Variants in MLXIP observed in about 807,000 individuals in gnomAD.
MLXIP encodes the protein MLX interacting protein.
Under a neutral mutation model 87.2 loss-of-function variants are expected in MLXIP, and 30 were observed. The ratio of observed to expected loss-of-function variants is 0.34; its 90% CI spans 0.26 to 0.47. The LOEUF (loss-of-function observed/expected upper bound fraction) is 0.47, where lower values mean the gene tolerates loss of function less well. Among genes scored for constraint, MLXIP ranks in the 20% least tolerant of loss-of-function variants. MLXIP has a pLI of 1.00. For missense variants in MLXIP, 1,002 were observed against 1,240.1 expected (o/e 0.81, Z 2.88); for synonymous variants, 530 against 514.0 (o/e 1.03, Z -0.42).
intron 1 of MLXIP, 144 bp downstream of exon 1, chr12:122,079,410 G>A (rs1952059658): frequency 1.3e-6 from 1 of 755,668 alleles, no homozygotes; most frequent in Admixed American, 2.8e-5. Flanking sequence ...TATGGATCTG[G>A]GGTTCCCCGC....
At chr12:122,087,098 A>G (rs1264313215) in intron 1 of MLXIP, among the ~76,000 whole-genome samples, 1 of 152,116 alleles carries the variant, frequency 6.6e-6, no homozygotes, top group African/African-American at 2.4e-5. Flanking sequence ...AATTAGCCCC[A>G]TGAGGGCTAA....
chr12:122,079,540 G>C (rs796995818), intron 1 of MLXIP, among the ~76,000 whole-genome samples: 1 of 152,194 alleles, frequency 6.6e-6, no homozygotes, highest in Non-Finnish European at 1.5e-5. Flanking sequence ...GATGTTGGAC[G>C]AGGAAGAGGT....
chr12:122,101,352 T>C (rs1447245708), intron 1 of MLXIP, among the ~76,000 whole-genome samples: 1 of 151,550 alleles, frequency 6.6e-6, no homozygotes, highest in Non-Finnish European at 1.5e-5. Flanking sequence ...TTTTTTTTTT[T>C]CCTGTGCCCA....
intron 1 of MLXIP, among the ~76,000 whole-genome samples, chr12:122,093,014 GTCTGTGTATATGTA>G (rs1952270559): frequency 1.4e-5 from 2 of 142,840 alleles, no homozygotes; most frequent in African/African-American, 2.6e-5. Context: ...GTGTGGTGTG[GTCTGTGTATATGTA>G]TGTGTGGTGT....
intron 1 of MLXIP, among the ~76,000 whole-genome samples, chr12:122,094,381 T>A (rs1233271040): frequency 7.2e-6 from 1 of 138,718 alleles, no homozygotes; most frequent in Non-Finnish European, 1.6e-5. Flanking sequence ...GTTTGCAGTG[T>A]CTGTGTGGTG....
At chr12:122,117,259 G>T (rs1425453498) in intron 1 of MLXIP, among the ~76,000 whole-genome samples, 2 of 152,234 alleles carry the variant, frequency 1.3e-5, no homozygotes, top group Non-Finnish European at 2.9e-5. Context: ...GATGGAGCAG[G>T]ACCTGAAACC....
chr12:122,141,195 G>A (rs956122212), intron 16 of MLXIP, 112 bp downstream of exon 16: 65 of 1,419,930 alleles, frequency 4.6e-5, no homozygotes, highest in East Asian at 2.5e-4. Context: ...AGGTGGGGCC[G>A]GGGCAGGGGC....
rs1441207952 is a variant in MLXIP at position 122,093,672 on chromosome 12, G to T, written c.413+14406G>T. ...GGTGTGTGTGTTGATATGTGTGTGT[G>T]GTGTATGTGTGCGGTGTTGGTGTGT... On this transcript the variant is annotated intron_variant, in intron 1 of 16. Transcript: ENST00000319080. Among the ~76,000 whole-genome samples the T allele has an allele frequency of 1.2e-3, 172 of 137,688 alleles. 1 individual carries two copies. Among genetic ancestry groups the T allele is most frequent in the African/African-American group, 4.3e-3 (160 of 36,814 alleles). 90.3% of individuals were successfully genotyped at this position (137,688 alleles called of 152,430 possible).
In MLXIP at chr12:122,135,172, G is replaced by T. The variant is rs1269838811; in HGVS notation, c.1733-52G>T. On this transcript the variant is annotated intron_variant, in intron 9 of 16. Coordinates refer to ENST00000319080, the MANE Select transcript of MLXIP (RefSeq NM_014938.6). This position sits in a 1 kb window ranked among gnomAD's most constrained non-coding sequence, Gnocchi z 5.3. ...CAGAGAGGCAGCCTCTGCAGGGTGG[G>T]CCAGGCCCTGTGGCCCAGGGCTGCA... The T allele has an allele frequency of 6.3e-7, 1 of 1,599,826 alleles. No homozygotes were observed. The highest frequency in any genetic ancestry group is 2.3e-5 in the East Asian group (1 of 44,098).
chr12:122,139,112 T>C, intron 15 of MLXIP, 174 bp downstream of exon 15: 1 of 619,858 alleles, frequency 1.6e-6, no homozygotes, highest in Non-Finnish European at 2.0e-6. Context: ...TGGCCTGCTG[T>C]GTGGGCTGGA....
chr12:122,134,070 GACC>G (rs756928556), intron 9 of MLXIP, 83 bp downstream of exon 9: 21 of 1,447,884 alleles, frequency 1.5e-5, no homozygotes, highest in Admixed American at 2.5e-5. Flanking sequence ...TCAAACTTGT[GACC>G]ACCACCACCA....
At chr12:122,129,492 C>G in intron 4 of MLXIP, 96 bp from the exon 5 acceptor site, 2 of 1,416,844 alleles carry the variant, frequency 1.4e-6, no homozygotes, top group Non-Finnish European at 2.0e-6. Context: ...GTGAGCAGGA[C>G]CCCTACCTGC....
chr12:122,082,496 A>G (rs1952106170), intron 1 of MLXIP, among the ~76,000 whole-genome samples: 1 of 152,204 alleles, frequency 6.6e-6, no homozygotes, highest in Non-Finnish European at 1.5e-5. Context: ...GAATGGGGCT[A>G]GTGCCTGGCA....
At chr12:122,091,696 A>G (rs999295571) in intron 1 of MLXIP, among the ~76,000 whole-genome samples, 2 of 152,172 alleles carry the variant, frequency 1.3e-5, no homozygotes, top group African/African-American at 4.8e-5. Context: ...ATGGTTATGG[A>G]GAAATCTCTG....
chr12:122,136,459 C>CAAAAAAAAAAAAAAAAAAA (rs1224302321), intron 11 of MLXIP: 10 of 28,162 alleles, frequency 3.6e-4, no homozygotes, highest in African/African-American at 8.4e-4. Flanking sequence ...TCAAAAAATG[C>CAAAAAAAAAAAAAAAAAAA]AAAAAAAAAA....
chr12:122,129,304 C>T (rs565588117), intron 4 of MLXIP, 78 bp downstream of exon 4: 86 of 1,306,932 alleles, frequency 6.6e-5, no homozygotes, highest in South Asian at 8.9e-5. Flanking sequence ...CTGGCCGAGG[C>T]GGTAGGCTCC....
intron 1 of MLXIP, among the ~76,000 whole-genome samples, chr12:122,082,021 G>A (rs1593052986): frequency 6.6e-6 from 1 of 152,238 alleles, no homozygotes; most frequent in African/African-American, 2.4e-5. Context: ...ACTAAGTGCA[G>A]GGGAAGTTGT....
intron 1 of MLXIP, among the ~76,000 whole-genome samples, chr12:122,116,355 A>G (rs1408991077): frequency 1.3e-5 from 2 of 152,148 alleles, no homozygotes; most frequent in Non-Finnish European, 2.9e-5. Context: ...TTTGTTACAT[A>G]TGTATACATG....
chr12:122,100,070 T>TC (rs1205271049), intron 1 of MLXIP, among the ~76,000 whole-genome samples: 1 of 152,126 alleles, frequency 6.6e-6, no homozygotes, highest in Non-Finnish European at 1.5e-5. Context: ...GTTTTTTTTT[T>TC]CTCAAAGATG....
Sources: allele counts gnomAD v4.1 joint callset (sites outside exome capture counted in the v4.1 genomes callset), GRCh38; gene constraint gnomAD v4.1.1; non-coding constraint Gnocchi (gnomAD v3.1); transcripts MANE v1.5; gene names NCBI Gene and HGNC (gene_info 2026-07-23, HGNC 2026-07-21).